Variants in NXN observed in about 807,000 individuals in gnomAD.
The protein encoded by NXN is nucleoredoxin 1.
Under a neutral mutation model 48.6 loss-of-function variants are expected in NXN, and 16 were observed. That is an observed-to-expected ratio of 0.33 (90% CI 0.22 to 0.50). NXN has a LOEUF of 0.50. NXN is among the 20% of genes least tolerant of loss of function. The pLI, the probability that NXN is intolerant of heterozygous loss-of-function variation, is 0.98. For synonymous variants in NXN, 281 were observed against 269.6 expected (o/e 1.04, Z -0.41); for missense variants, 492 against 605.5 (o/e 0.81, Z 1.97).
At position 822,411 on chromosome 17, in the gene NXN, C is replaced by T. The variant is rs761724253; in HGVS notation, c.659G>A (p.Arg220Gln). 8.2e-5 allele frequency: 132 copies of T among 1,613,952 alleles called. No homozygotes were observed. Among genetic ancestry groups the T allele is most frequent in the Middle Eastern group, 3.3e-4 (2 of 6,084 alleles). Residue 220 changes from arginine (R) to glutamine (Q), a missense_variant, in exon 4 of 8, where the codon CGG (arginine) becomes CAG (glutamine). By Grantham distance (43) the Arg-to-Gln change is conservative. Coordinates refer to ENST00000336868, the MANE Select transcript of NXN (RefSeq NM_022463.5). Reference protein sequence around the residue: ...SLTRVLVESYRKIKEAGQNFE... With the variant: ...SLTRVLVESYQKIKEAGQNFE... ...GTTCTGGCCTGCCTCCTTGATCTTC[C>T]GGTAGGATTCCACCAGGACCCGGGT...
chr17:870,962 C>T (rs1171912661), intron 1 of NXN, among the ~76,000 whole-genome samples: 1 of 151,648 alleles, frequency 6.6e-6, no homozygotes, highest in Non-Finnish European at 1.5e-5. Context: ...GGGTTCACAC[C>T]ATTCTCCTGC....
chr17:979,246 A>ACGGGCGTGGGGGGCGGGCAGGGGTAC (rs2069504732), intron 1 of NXN, 73 bp downstream of exon 1: 12 of 856,740 alleles, frequency 1.4e-5, no homozygotes, highest in East Asian at 1.2e-4. Flanking sequence ...GGCAGGGGTA[A>ACGGGCGTGGGGGGCGGGCAGGGGTAC]CGGGCGTGGG....
chr17:843,219 G>T, intron 1 of NXN, among the ~76,000 whole-genome samples: 1 of 152,344 alleles, frequency 6.6e-6, no homozygotes. Context: ...AATGACGCCC[G>T]TTGGCTGCTG....
In NXN at chr17:958,182, T is replaced by G. The variant is rs1461560648; in HGVS notation, c.360+21137A>C. The stretch of plus-strand genomic sequence containing the variant: ...CTACCCTCCCCCTCGTTTGAAAAGG[T>G]CACTTGCACATTCTTCTTTCCAGAA... On this transcript the variant is annotated intron_variant, in intron 1 of 7. Coordinates refer to ENST00000336868, the MANE Select transcript of NXN (RefSeq NM_022463.5). This position sits in a 1 kb window ranked among gnomAD's most constrained non-coding sequence, Gnocchi z 6.9. Among the ~76,000 whole-genome samples the G allele has an allele frequency of 6.6e-6, 1 of 152,170 alleles. No individual in the cohort carries two copies. Among genetic ancestry groups the G allele is most frequent in the African/African-American group, 2.4e-5 (1 of 41,450 alleles).
At chr17:814,200 A>T (rs201571987) in intron 5 of NXN, among the ~76,000 whole-genome samples, 2 of 138,856 alleles carry the variant, frequency 1.4e-5, no homozygotes, top group South Asian at 4.7e-4. Flanking sequence ...AGGCAGATGT[A>T]GTGAGCAGAG....
rs541600426 is a variant in NXN, at chr17:969,920, T to C, written c.360+9399A>G. Among the ~76,000 whole-genome samples the C allele has an allele frequency of 6.9e-4, 105 of 152,330 alleles. 1 individual carries two copies. The Middle Eastern group carries it at 0.02, about 30-fold the overall frequency. ...GATATGAGATAAAACCGTCATTCAC[T>C]GTAGAAACAGCACTTGAATTTACCT... On this transcript the variant is annotated intron_variant, in intron 1 of 7. Coordinates refer to ENST00000336868, the MANE Select transcript of NXN (RefSeq NM_022463.5).
Position 909,224 on chromosome 17 carries a change from C to T in NXN, c.360+70095G>A, listed in dbSNP as rs1292430118. On this transcript the variant is annotated intron_variant, in intron 1 of 7. Coordinates refer to ENST00000336868, the MANE Select transcript of NXN (RefSeq NM_022463.5). ...ATAATGAAGATTAAACAAGAAACAT[C>T]TTGGGTTTTGTTTTTCACTTTTAAT... Among the ~76,000 whole-genome samples the T allele has an allele frequency of 2.0e-5, 3 of 151,314 alleles. No homozygotes were observed. The South Asian group carries it at 6.3e-4, about 32-fold the overall frequency.
intron 1 of NXN, among the ~76,000 whole-genome samples, chr17:836,469 A>C (rs1913831279): frequency 6.6e-6 from 1 of 152,160 alleles, no homozygotes; most frequent in Non-Finnish European, 1.5e-5. Context: ...CAGAGCCCTA[A>C]ATGTGCTCTC....
At chr17:840,191 A>T (rs1914067241) in intron 1 of NXN, among the ~76,000 whole-genome samples, 1 of 152,100 alleles carries the variant, frequency 6.6e-6, no homozygotes, top group Non-Finnish European at 1.5e-5. Flanking sequence ...TTTAGCACCC[A>T]TGCCAGCAGC....
chr17:824,125 C>T (rs377616515), intron 2 of NXN, among the ~76,000 whole-genome samples: 35 of 151,792 alleles, frequency 2.3e-4, no homozygotes, highest in African/African-American at 7.5e-4. Flanking sequence ...CTGCAAGCTC[C>T]GCCTCCCGGG....
intron 1 of NXN, among the ~76,000 whole-genome samples, chr17:841,417 C>CAGAGCATCTCACACG: frequency 3.3e-5 from 4 of 120,312 alleles, no homozygotes; most frequent in Non-Finnish European, 7.9e-5. Flanking sequence ...CCCCTGACCA[C>CAGAGCATCTCACACG]GGCGCATCTC....
At chr17:861,988 C>T (rs1369967566) in intron 1 of NXN, among the ~76,000 whole-genome samples, 1 of 152,046 alleles carries the variant, frequency 6.6e-6, no homozygotes, top group African/African-American at 2.4e-5. Context: ...AACCACCATA[C>T]TTGGCTAATG....
At chr17:914,971 G>A (rs1003624426) in intron 1 of NXN, among the ~76,000 whole-genome samples, 7 of 151,866 alleles carry the variant, frequency 4.6e-5, no homozygotes, top group South Asian at 2.1e-4. Context: ...ACAAAGTCTC[G>A]CTCGCCAGGC....
intron 5 of NXN, among the ~76,000 whole-genome samples, chr17:808,259 C>T (rs1911691706): frequency 6.6e-6 from 1 of 152,204 alleles, no homozygotes; most frequent in Non-Finnish European, 1.5e-5. Flanking sequence ...CCCCTTCACA[C>T]ACGCCCTGTT....
intron 1 of NXN, chr17:896,866 C>G: frequency 2.0e-5 from 19 of 952,976 alleles, no homozygotes; most frequent in Admixed American, 3.0e-5. Flanking sequence ...CACCCGCCCC[C>G]GGCCCCTCAA....
intron 1 of NXN, among the ~76,000 whole-genome samples, chr17:871,749 C>T (rs2068157572): frequency 6.6e-6 from 1 of 152,142 alleles, no homozygotes; most frequent in African/African-American, 2.4e-5. Context: ...GTTGATGTTA[C>T]ACTAGCTAAT....
rs139918852 is a variant in NXN, at chr17:875,294, C to A, written c.361-49216G>T. Among the ~76,000 whole-genome samples the A allele has an allele frequency of 5.9e-3, 894 of 152,084 alleles. 13 individuals are homozygous for A. Among genetic ancestry groups the A allele is most frequent in the African/African-American group, 0.02 (823 of 41,480 alleles). On this transcript the variant is annotated intron_variant, in intron 1 of 7. Coordinates refer to ENST00000336868, the MANE Select transcript of NXN (RefSeq NM_022463.5). Reference sequence around the variant, plus strand: ...TGATCCTCCCATCTCAGGCTCCCAACCTACTGGGATTACAGGCGTCAGCCA... The same window carrying A: ...TGATCCTCCCATCTCAGGCTCCCAAACTACTGGGATTACAGGCGTCAGCCA...
At chr17:948,208 T>G (rs2150613925) in intron 1 of NXN, among the ~76,000 whole-genome samples, 1 of 152,276 alleles carries the variant, frequency 6.6e-6, no homozygotes, top group Non-Finnish European at 1.5e-5. Context: ...GAATTATAAG[T>G]AATCTAGAGG....
At chr17:817,254 G>T (rs1046611159) in intron 5 of NXN, among the ~76,000 whole-genome samples, 4 of 152,082 alleles carry the variant, frequency 2.6e-5, no homozygotes, top group African/African-American at 9.7e-5. Context: ...AGATCTCCAG[G>T]TGATTCTCAT....
Sources: gnomAD v4.1 joint callset for allele counts (sites outside exome capture counted in the v4.1 genomes callset) on GRCh38, gnomAD v4.1.1 for gene constraint, Gnocchi (gnomAD v3.1) non-coding constraint, MANE v1.5 for transcripts, NCBI Gene and HGNC (gene_info 2026-07-23, HGNC 2026-07-21) for gene names.